BMPER: variants seen among roughly 807,000 people sequenced by gnomAD.
BMPER encodes the protein BMP-binding endothelial regulator protein.
BMPER carries 45 observed loss-of-function variants against 87.3 expected under a neutral mutation model. The ratio of observed to expected loss-of-function variants is 0.52; its 90% CI spans 0.41 to 0.66. The LOEUF is 0.66. Among genes scored for constraint, BMPER ranks in the 30% least tolerant of loss-of-function variants. The pLI is 0.00. For missense variants in BMPER, 784 were observed against 867.5 expected (o/e 0.90, Z 1.21); for synonymous variants, 326 against 316.2 (o/e 1.03, Z -0.33).
chr7:34,066,370 G>A (rs533652847), intron 11 of BMPER, among the ~76,000 whole-genome samples: 2 of 152,210 alleles, frequency 1.3e-5, no homozygotes, highest in Non-Finnish European at 2.9e-5. Flanking sequence ...AGTATGAAAA[G>A]CATTGCTGTC....
intron 6 of BMPER, among the ~76,000 whole-genome samples, chr7:34,005,049 C>T (rs936802186): frequency 1.3e-5 from 2 of 152,100 alleles, no homozygotes; most frequent in Non-Finnish European, 2.9e-5. Flanking sequence ...AAACAATTAC[C>T]ACTGATAGTT....
chr7:34,059,973 C>T (rs1788392941), intron 10 of BMPER, among the ~76,000 whole-genome samples: 1 of 152,088 alleles, frequency 6.6e-6, no homozygotes, highest in Non-Finnish European at 1.5e-5. Context: ...GGGACTGGGT[C>T]ATCAGGACAC....
At chr7:34,120,216 C>T (rs918394500) in intron 13 of BMPER, among the ~76,000 whole-genome samples, 2 of 152,076 alleles carry the variant, frequency 1.3e-5, no homozygotes, top group Non-Finnish European at 2.9e-5. Context: ...ATTTAAAACC[C>T]TGCATTCAAG....
chr7:33,946,613 C>G (rs938254125), intron 3 of BMPER, among the ~76,000 whole-genome samples: 1 of 152,112 alleles, frequency 6.6e-6, no homozygotes, highest in Non-Finnish European at 1.5e-5. Context: ...TGATTTAAAA[C>G]AAATCTGTAA....
chr7:33,938,421 G>T (rs1159456543), intron 3 of BMPER, among the ~76,000 whole-genome samples: 3 of 152,206 alleles, frequency 2.0e-5, no homozygotes. Context: ...TGTGACTTGT[G>T]TCTTTATAAG....
At chr7:34,130,947 G>A (rs544830492) in intron 13 of BMPER, among the ~76,000 whole-genome samples, 1 of 152,202 alleles carries the variant, frequency 6.6e-6, no homozygotes, top group Non-Finnish European at 1.5e-5. Context: ...CCACTTATTA[G>A]TAATGTGATG....
intron 6 of BMPER, among the ~76,000 whole-genome samples, chr7:34,044,432 G>A (rs932047172): frequency 2.0e-5 from 3 of 152,208 alleles, no homozygotes; most frequent in African/African-American, 7.2e-5. Flanking sequence ...ACCTTGTGTG[G>A]CCCGAGGCTT....
chr7:33,955,848 T>C (rs1785134805), intron 3 of BMPER, among the ~76,000 whole-genome samples: 1 of 151,944 alleles, frequency 6.6e-6, no homozygotes, highest in Admixed American at 6.6e-5. Flanking sequence ...AAAGACAAAA[T>C]GGCATAGACA....
At chr7:34,079,872 G>T (rs1585810503) in intron 12 of BMPER, among the ~76,000 whole-genome samples, 1 of 151,954 alleles carries the variant, frequency 6.6e-6, no homozygotes, top group African/African-American at 2.4e-5. Flanking sequence ...TTCCCCCTTG[G>T]GCCAAACTAT....
At chr7:34,050,704 C>T (rs1290582963) in intron 7 of BMPER, among the ~76,000 whole-genome samples, 1 of 152,112 alleles carries the variant, frequency 6.6e-6, no homozygotes, top group African/African-American at 2.4e-5. Context: ...AGTAACATTG[C>T]AGAGATGTTT....
At chr7:34,124,331 C>A (rs1790342869) in intron 13 of BMPER, among the ~76,000 whole-genome samples, 1 of 152,012 alleles carries the variant, frequency 6.6e-6, no homozygotes, top group African/African-American at 2.4e-5. Context: ...ATTATTAATA[C>A]ATAATTCAGA....
intron 6 of BMPER, among the ~76,000 whole-genome samples, chr7:33,998,910 CT>C (rs1373946201): frequency 6.6e-6 from 1 of 152,186 alleles, no homozygotes; most frequent in East Asian, 1.9e-4. Context: ...TTTTGAAGGC[CT>C]CAGCAGGAGA....
chr7:34,026,229 T>A (rs1269631984), intron 6 of BMPER, among the ~76,000 whole-genome samples: 1 of 151,940 alleles, frequency 6.6e-6, no homozygotes, highest in Non-Finnish European at 1.5e-5. Flanking sequence ...GGATCTGGAT[T>A]TGGATCAGTG....
intron 6 of BMPER, among the ~76,000 whole-genome samples, chr7:34,038,586 T>C (rs1045782064): frequency 1.8e-4 from 27 of 152,320 alleles, no homozygotes; most frequent in African/African-American, 6.3e-4. Context: ...AATGCAGTTA[T>C]ACTTAGAAAC....
In BMPER at chr7:34,119,014, T is replaced by TCTCACACACACA. The variant is rs66493349; in HGVS notation, c.1746-24215_1746-24214insTCACACACACAC. ...CTCTCACTGTCTCTCTCTCTCTCTCTCACACACACACACACACACACACGC... is the reference window on the plus strand; with the variant it reads ...CTCTCACTGTCTCTCTCTCTCTCTCTCTCACACACACACACACACACACACACACACACACGC... On this transcript the variant is annotated intron_variant, in intron 13 of 14. Coordinates refer to ENST00000649409, the MANE Select transcript of BMPER (RefSeq NM_001365308.1). Among the ~76,000 whole-genome samples, 860 of 135,754 alleles carry TCTCACACACACA rather than the reference T, an allele frequency of 6.3e-3. 11 individuals carry two copies. Among genetic ancestry groups the TCTCACACACACA allele is most frequent in the African/African-American group, 0.02 (743 of 37,980 alleles). The allele number at this position is 135,754 out of a possible 152,430, so 89.1% of individuals were successfully genotyped here.
At chr7:33,933,877 G>A (rs1784537975) in intron 2 of BMPER, among the ~76,000 whole-genome samples, 2 of 152,152 alleles carry the variant, frequency 1.3e-5, no homozygotes, top group Admixed American at 1.3e-4. Context: ...GGTGACCCTG[G>A]GCAAGTTTCC....
At chr7:34,103,084 T>C (rs1295705181) in intron 13 of BMPER, among the ~76,000 whole-genome samples, 1 of 152,014 alleles carries the variant, frequency 6.6e-6, no homozygotes. Flanking sequence ...AAGGATCCTC[T>C]GGGAGAGTGG....
chr7:33,943,522 G>T (rs1363490179), intron 3 of BMPER, among the ~76,000 whole-genome samples: 2 of 152,124 alleles, frequency 1.3e-5, no homozygotes, highest in East Asian at 3.8e-4. Context: ...TGTCATTCCT[G>T]TCAGGCCCAT....
In BMPER at chr7:34,056,616, CTTT is replaced by C. The variant is rs34663962; in HGVS notation, c.927+1331_927+1333del. On this transcript the variant is annotated intron_variant, in intron 9 of 14. Transcript: ENST00000649409. The stretch of plus-strand genomic sequence containing the variant: ...TCACCATGGTGCTGTGTGCAATGCA[CTTT>C]TTTTTTTTTTTTTTTTTAGATGGAG... 1.4e-3 allele frequency among the ~76,000 whole-genome samples: 181 copies of C among 131,144 alleles called. 1 individual carries two copies. Among genetic ancestry groups the C allele is most frequent in the Middle Eastern group, 4.1e-3 (1 of 242 alleles). The allele number at this position is 131,144 out of a possible 152,430, so 86.0% of individuals were successfully genotyped here.
Sources: gnomAD v4.1 joint callset for allele counts (sites outside exome capture counted in the v4.1 genomes callset) on GRCh38, gnomAD v4.1.1 for gene constraint, MANE v1.5 for transcripts, NCBI Gene and HGNC (gene_info 2026-07-23, HGNC 2026-07-21) for gene names.